The following KDSR variants were observed in gnomAD, a reference collection of about 807,000 sequenced individuals.
KDSR encodes 3-dehydrosphinganine reductase.
A neutral mutation model predicts 41.3 loss-of-function variants in KDSR; 23 were observed. That is an observed-to-expected ratio of 0.56 (90% confidence interval 0.40 to 0.79). The LOEUF is 0.79. Among genes scored for constraint, KDSR ranks in the 30% least tolerant of loss-of-function variants. The probability of loss-of-function intolerance (pLI) is 0.00; values close to 1 mark genes in which losing one functional copy is unlikely to be tolerated. For synonymous variants in KDSR, 138 were observed against 151.7 expected, an observed-to-expected ratio of 0.91 and a Z score of 0.66; for missense variants, 351 against 416.8, an observed-to-expected ratio of 0.84 and a Z score of 1.37.
chr18:63,358,020 A>G (rs1914852318), intron 3 of KDSR, among the ~76,000 whole-genome samples: 1 of 152,114 alleles, frequency 6.6e-6, no homozygotes, highest in Non-Finnish European at 1.5e-5. Flanking sequence ...TACTAAAAAT[A>G]CAAAAATTAG....
Position 63,357,592 on chromosome 18 carries a change from A to ATTT in KDSR, c.256-2030_256-2029insAAA, listed in dbSNP as rs758193283. On this transcript the variant is annotated intron_variant, in intron 3 of 9. Transcript: ENST00000645214. ...CATACATATATATATATATATATAT[A>ATTT]TATTTTTTTTTGAGATGGAGTCTCC... is the stretch of plus-strand genomic sequence containing the variant. 7.4e-3 allele frequency among the ~76,000 whole-genome samples: 867 copies of ATTT among 117,876 alleles called. 16 individuals are homozygous for ATTT. Among genetic ancestry groups the ATTT allele is most frequent in the African/African-American group, 0.022 (680 of 31,328 alleles). The allele number at this position is 117,876 out of a possible 152,430, so 77.3% of individuals were successfully genotyped here.
At position 63,339,821 on chromosome 18, in the gene KDSR, A is replaced by G. The variant is rs111636636; in HGVS notation, c.694-938T>C. On this transcript the variant is annotated intron_variant, in intron 7 of 9. Transcript: ENST00000645214. ...CAATTAGAAGTGTCAAATAATTTCAAGTAGAAGTGTCAAACAAAAGCCTTA... is the reference window on the plus strand; with the variant it reads ...CAATTAGAAGTGTCAAATAATTTCAGGTAGAAGTGTCAAACAAAAGCCTTA... Among the ~76,000 whole-genome samples, 648 of 152,378 alleles carry G rather than the reference A, an allele frequency of 4.3e-3. 3 individuals carry two copies. The highest frequency in any genetic ancestry group is 7.1e-3 in the Admixed American group (109 of 15,306).
At chr18:63,355,983 A>ACAG (rs1209170244) in intron 3 of KDSR, among the ~76,000 whole-genome samples, 2 of 152,226 alleles carry the variant, frequency 1.3e-5, no homozygotes, top group Non-Finnish European at 2.9e-5. Flanking sequence ...AGAAAAGGAA[A>ACAG]CAGCCCTCTT....
chr18:63,336,609 T>C (rs1914165606), intron 8 of KDSR, among the ~76,000 whole-genome samples: 1 of 152,196 alleles, frequency 6.6e-6, no homozygotes. Context: ...AGTCAACCCA[T>C]ATTTTCCAAA....
intron 6 of KDSR, chr18:63,346,600 A>T (rs1914509620): frequency 6.6e-6 from 1 of 152,094 alleles, no homozygotes; most frequent in Non-Finnish European, 1.5e-5. Context: ...AGCTTTTCAG[A>T]ACAGCTTCCT....
At chr18:63,351,761 T>C (rs1196343626) in intron 5 of KDSR, among the ~76,000 whole-genome samples, 1 of 152,032 alleles carries the variant, frequency 6.6e-6, no homozygotes, top group East Asian at 1.9e-4. Flanking sequence ...TTAATTTTTA[T>C]TTATTTATTT....
At position 63,355,220 on chromosome 18, in the gene KDSR, T is replaced by A. The variant is rs1432677996; in HGVS notation, c.401A>T (p.Glu134Val). Residue 134 changes from glutamate (E) to valine (V), a missense_variant, in exon 5 of 10, where the codon GAA (glutamate) becomes GTA (valine). Glu to Val is a moderately radical substitution (Grantham distance 121). Transcript: ENST00000645214. ...MAVSGKFEDLEVSTFERLMSI... is the reference protein window; with the variant it reads ...MAVSGKFEDLVVSTFERLMSI... Reference sequence around the variant, plus strand: ...TTTACTTACTTCAAAGGTACTAACTTCAAGATCTTCAAATTTTCCTGACAC... The same window carrying A: ...TTTACTTACTTCAAAGGTACTAACTACAAGATCTTCAAATTTTCCTGACAC... 1 of 1,613,206 alleles carries A rather than the reference T, an allele frequency of 6.2e-7. No individual in the cohort carries two copies. Among genetic ancestry groups the A allele is most frequent in the Non-Finnish European group, 8.5e-7 (1 of 1,179,180 alleles).
intron 7 of KDSR, among the ~76,000 whole-genome samples, chr18:63,341,581 G>T (rs1056451515): frequency 1.3e-5 from 2 of 151,720 alleles, no homozygotes; most frequent in African/African-American, 4.8e-5. Context: ...GAAATACTTT[G>T]GGAAGAAAGA....
At position 63,331,892 on chromosome 18, in the gene KDSR, T is replaced by C; in HGVS notation, c.889A>G (p.Met297Val). 3.1e-6 allele frequency: 5 copies of C among 1,613,762 alleles called. No individual in the cohort carries two copies. The highest frequency in any genetic ancestry group is 4.2e-6 in the Non-Finnish European group (5 of 1,179,782). ...AAAGCAATAGTGCGGAAAAGGCCCA[T>C]GGTGACCACCTGCAAGATAAAGAGA... ...ITEGLQQVVTMGLFRTIALFY... is the reference protein window; with the variant it reads ...ITEGLQQVVTVGLFRTIALFY... Residue 297 changes from methionine (M) to valine (V), a missense_variant, in exon 10 of 10, where the codon ATG (methionine) becomes GTG (valine). Physicochemically the swap from Met to Val is conservative, Grantham distance 21. Transcript: ENST00000645214.
intron 7 of KDSR, among the ~76,000 whole-genome samples, chr18:63,344,180 A>G (rs1468560220): frequency 6.6e-6 from 1 of 152,202 alleles, no homozygotes; most frequent in Non-Finnish European, 1.5e-5. Flanking sequence ...CTGTCTCTAT[A>G]GAGAAAAAAT....
At chr18:63,363,958 T>C (rs1297991537) in intron 1 of KDSR, among the ~76,000 whole-genome samples, 2 of 152,200 alleles carry the variant, frequency 1.3e-5, no homozygotes, top group African/African-American at 4.8e-5. Context: ...CCTATCTCTA[T>C]GGGACTCATA....
Position 63,344,444 on chromosome 18 carries a change from T to C in KDSR, c.659A>G (p.Asp220Gly), listed in dbSNP as rs761607375. The change falls in exon 7 of 10, where the codon GAC (aspartate) becomes GGC (glycine). Residue 220 changes from aspartate (D) to glycine (G), a missense_variant. Coordinates refer to ENST00000645214, the MANE Select transcript of KDSR (RefSeq NM_002035.4). ...GTTTTCTTCGGCAAAGCCAGGTGTG[T>C]CTGTGTCTGGTGGGTAAGCAACTGT... ...YITVAYPPDTDTPGFAEENRT... is the reference protein window; with the variant it reads ...YITVAYPPDTGTPGFAEENRT... The C allele has an allele frequency of 1.2e-6, 2 of 1,614,094 alleles. No homozygotes were observed. Among genetic ancestry groups the C allele is most frequent in the Non-Finnish European group, 1.7e-6 (2 of 1,179,942 alleles).
At chr18:63,365,241 CG>C (rs1162754309) in intron 1 of KDSR, among the ~76,000 whole-genome samples, 1 of 152,156 alleles carries the variant, frequency 6.6e-6, no homozygotes, top group Non-Finnish European at 1.5e-5. Flanking sequence ...ATTTTACTAC[CG>C]TAACTAGATA....
At chr18:63,357,596 T>TTTA (rs1555715130) in intron 3 of KDSR, among the ~76,000 whole-genome samples, 3 of 142,156 alleles carry the variant, frequency 2.1e-5, no homozygotes, top group Non-Finnish European at 4.6e-5. Context: ...ATATATATAT[T>TTTA]TTTTTTTGAG....
rs1045420537 is a variant in KDSR, at chr18:63,367,186, C to T, written c.-68G>A. 1.3e-4 allele frequency: 111 copies of T among 829,376 alleles called. 1 individual carries two copies. Among genetic ancestry groups the T allele is most frequent in the Non-Finnish European group, 1.7e-4 (104 of 617,110 alleles). The allele number at this position is 829,376 out of a possible 1,614,324, so 51.4% of individuals were successfully genotyped here. ...GCCGGGCAAGGCGCGCAGGGCTGGG[C>T]TGCGGCGAGGCGAGAATCACGCGCG... is the stretch of plus-strand genomic sequence containing the variant. On this transcript the variant is annotated 5_prime_UTR_variant, in exon 1 of 10. Transcript: ENST00000645214.
chr18:63,367,115 G>GC lies in KDSR; in HGVS notation c.3dup (p.Leu2AlafsTer53). 7.5e-7 allele frequency: 1 copy of GC among 1,324,862 alleles called. No homozygotes were observed. Among genetic ancestry groups the GC allele is most frequent in the Non-Finnish European group, 9.7e-7 (1 of 1,033,522 alleles). 82.1% of individuals were successfully genotyped at this position (1,324,862 alleles called of 1,614,324 possible). On this transcript the variant is annotated frameshift_variant, in exon 1 of 10. Transcript: ENST00000645214. LOFTEE classifies it high-confidence loss of function. ...ACGAGGAAGGCGGCAGCCAGCAGCAGCATCGCTCCGCGGGGCCAGGGGCCC... is the reference window on the plus strand; with the variant it reads ...ACGAGGAAGGCGGCAGCCAGCAGCAGCCATCGCTCCGCGGGGCCAGGGGCCC...
chr18:63,351,033 G>A lies in KDSR; in HGVS notation c.464C>T (p.Ala155Val), dbSNP rs760553387. 5.0e-6 allele frequency: 8 copies of A among 1,614,112 alleles called. No homozygotes were observed. The South Asian group carries it at 6.6e-5, about 13-fold the overall frequency. ...NYLGSVYPSR[A>V]VITTMKERRV... ...GCGCTCCTTCATGGTGGTGATCACG[G>A]CCCGGCTGGGGTACACGCTGCCCAG... The change falls in exon 6 of 10, where the codon GCC becomes GTC. Residue 155 changes from alanine to valine, a missense_variant. Coordinates refer to ENST00000645214, the MANE Select transcript of KDSR (RefSeq NM_002035.4).
chr18:63,357,411 C>T (rs1023830820), intron 3 of KDSR, among the ~76,000 whole-genome samples: 4 of 151,264 alleles, frequency 2.6e-5, no homozygotes, highest in Admixed American at 6.6e-5. Flanking sequence ...TAAATATCCA[C>T]CAATTGCTGA....
chr18:63,364,422 A>C (rs1915076648), intron 1 of KDSR, among the ~76,000 whole-genome samples: 1 of 152,034 alleles, frequency 6.6e-6, no homozygotes, highest in African/African-American at 2.4e-5. Flanking sequence ...TATTTCACTG[A>C]ATAAGTGAAC....
Sources: allele counts gnomAD v4.1 joint callset (sites outside exome capture counted in the v4.1 genomes callset), GRCh38; gene constraint gnomAD v4.1.1; transcripts MANE v1.5; gene names NCBI Gene and HGNC (gene_info 2026-07-23, HGNC 2026-07-21).